Variants in SH3RF3 observed in about 807,000 individuals in gnomAD.
SH3RF3 encodes E3 ubiquitin-protein ligase SH3RF3.
A neutral mutation model predicts 66.3 loss-of-function variants in SH3RF3; 29 were observed. The ratio of observed to expected loss-of-function variants is 0.44; its 90% confidence interval spans 0.33 to 0.60. The LOEUF (loss-of-function observed/expected upper bound fraction) is 0.60, where lower values mean the gene tolerates loss of function less well. SH3RF3 is among the 20% of genes least tolerant of loss of function. The probability of loss-of-function intolerance (pLI) is 0.04; values close to 1 mark genes in which losing one functional copy is unlikely to be tolerated. For missense variants in SH3RF3, 1,194 were observed against 1,190.9 expected, an observed-to-expected ratio of 1.00 and a Z score of -0.04; for synonymous variants, 583 against 532.0, an observed-to-expected ratio of 1.10 and a Z score of -1.32.
chr2:109,215,386 C>T (rs934195442), intron 1 of SH3RF3, among the ~76,000 whole-genome samples: 2 of 152,092 alleles, frequency 1.3e-5, no homozygotes, highest in South Asian at 2.1e-4. Flanking sequence ...GGAGAAGGTA[C>T]GTTGATAAAG....
intron 1 of SH3RF3, among the ~76,000 whole-genome samples, chr2:109,279,545 C>G (rs941550009): frequency 1.3e-5 from 2 of 152,142 alleles, no homozygotes; most frequent in African/African-American, 4.8e-5. Context: ...TCCTACAGGT[C>G]AGGGCTGGAA....
chr2:109,439,155 C>T (rs949443898), intron 7 of SH3RF3, among the ~76,000 whole-genome samples: 1 of 152,214 alleles, frequency 6.6e-6, no homozygotes, highest in Admixed American at 6.5e-5. Context: ...ATTGGCAAGG[C>T]TGTGGGGCAG....
At chr2:109,367,104 C>G (rs1027773059) in intron 2 of SH3RF3, among the ~76,000 whole-genome samples, 1 of 149,660 alleles carries the variant, frequency 6.7e-6, no homozygotes, top group Non-Finnish European at 1.5e-5. Context: ...AGGCATATGC[C>G]ACTGTGCCCT....
At chr2:109,476,242 C>G (rs997912153) in intron 8 of SH3RF3, among the ~76,000 whole-genome samples, 2 of 152,230 alleles carry the variant, frequency 1.3e-5, no homozygotes, top group Non-Finnish European at 2.9e-5. Flanking sequence ...CTAGCACCCA[C>G]AGCACAAAGT....
chr2:109,353,935 C>T (rs558824571), intron 2 of SH3RF3, among the ~76,000 whole-genome samples: 9 of 152,214 alleles, frequency 5.9e-5, no homozygotes, highest in Admixed American at 2.0e-4. Flanking sequence ...TACGTGAACA[C>T]GATGGGAACA....
At chr2:109,483,795 C>T (rs933530459) in intron 8 of SH3RF3, among the ~76,000 whole-genome samples, 6 of 152,148 alleles carry the variant, frequency 3.9e-5, no homozygotes, top group South Asian at 2.1e-4. Context: ...AGGCTGCAGG[C>T]GCTGGGGTTG....
chr2:109,245,758 A>G (rs570551452), intron 1 of SH3RF3, among the ~76,000 whole-genome samples: 5 of 152,342 alleles, frequency 3.3e-5, no homozygotes, highest in South Asian at 2.1e-4. Context: ...CATTTTTGCT[A>G]TAATTCCTGG....
chr2:109,432,253 G>A (rs1385219137), intron 5 of SH3RF3, among the ~76,000 whole-genome samples: 2 of 152,178 alleles, frequency 1.3e-5, no homozygotes, highest in Non-Finnish European at 2.9e-5. Flanking sequence ...ATCCTCCTAA[G>A]GCTGTGGGTG....
intron 1 of SH3RF3, among the ~76,000 whole-genome samples, chr2:109,235,715 G>A (rs1339106984): frequency 5.3e-5 from 8 of 152,240 alleles, no homozygotes; most frequent in Non-Finnish European, 1.0e-4. Flanking sequence ...TGCAGTCGAG[G>A]CATCCCTGTG....
chr2:109,492,666 G>A (rs536391341), intron 9 of SH3RF3, among the ~76,000 whole-genome samples: 9 of 152,244 alleles, frequency 5.9e-5, no homozygotes, highest in African/African-American at 1.9e-4. Context: ...CTAGGTAACT[G>A]GCCCAAGATC....
At chr2:109,300,174 T>TA (rs1227306243) in intron 1 of SH3RF3, among the ~76,000 whole-genome samples, 2 of 152,158 alleles carry the variant, frequency 1.3e-5, no homozygotes, top group Admixed American at 1.3e-4. Context: ...GGCCCTGAGA[T>TA]ATGCTCTCGA....
Position 109,391,177 on chromosome 2 carries a change from G to A in SH3RF3, c.946-7413G>A, listed in dbSNP as rs544215759. Among the ~76,000 whole-genome samples the A allele has an allele frequency of 4.6e-4, 70 of 152,322 alleles. 1 individual carries two copies. The highest frequency in any genetic ancestry group is 7.9e-4 in the Non-Finnish European group (54 of 68,030). ...AGCCTTGCCTGTACTCAGGCTTTAC[G>A]TGCAAAATTAGGCAGCCATTTGTGC... On this transcript the variant is annotated intron_variant, in intron 3 of 9. Coordinates refer to ENST00000309415, the MANE Select transcript of SH3RF3 (RefSeq NM_001099289.3).
intron 1 of SH3RF3, among the ~76,000 whole-genome samples, chr2:109,179,738 C>A (rs977800737): frequency 6.6e-6 from 1 of 152,162 alleles, no homozygotes; most frequent in Non-Finnish European, 1.5e-5. Flanking sequence ...ATCCTAATTA[C>A]CTCCAAAGAC....
At chr2:109,479,114 C>T (rs994715398) in intron 8 of SH3RF3, among the ~76,000 whole-genome samples, 4 of 152,172 alleles carry the variant, frequency 2.6e-5, no homozygotes, top group East Asian at 3.8e-4. Flanking sequence ...CACTTCTCAA[C>T]GTGGACAGCA....
At chr2:109,350,831 T>C (rs1169192518) in intron 2 of SH3RF3, among the ~76,000 whole-genome samples, 5 of 152,322 alleles carry the variant, frequency 3.3e-5, no homozygotes, top group Non-Finnish European at 5.9e-5. Flanking sequence ...CTGGGGAATG[T>C]TTTTATTCTT....
Position 109,427,082 on chromosome 2 carries a change from C to G in SH3RF3, c.1404-5419C>G, listed in dbSNP as rs534425460. On this transcript the variant is annotated intron_variant, in intron 5 of 9. Coordinates refer to ENST00000309415, the MANE Select transcript of SH3RF3 (RefSeq NM_001099289.3). ...CTCCTGGGTTCAAGCGATTCTCTGGCCCTAGCCTCCCTAGTAGCTGGGGTT... is the reference window on the plus strand; with the variant it reads ...CTCCTGGGTTCAAGCGATTCTCTGGGCCTAGCCTCCCTAGTAGCTGGGGTT... 9.2e-5 allele frequency among the ~76,000 whole-genome samples: 14 copies of G among 152,188 alleles called. No individual in the cohort carries two copies. The South Asian group carries it at 2.9e-3, about 32-fold the overall frequency.
chr2:109,456,646 A>T (rs1471664265), intron 8 of SH3RF3, among the ~76,000 whole-genome samples: 1 of 152,008 alleles, frequency 6.6e-6, no homozygotes, highest in Non-Finnish European at 1.5e-5. Context: ...TCCTGTAGAA[A>T]CTCCGTGGCC....
At chr2:109,315,711 G>T (rs779294144) in intron 1 of SH3RF3, among the ~76,000 whole-genome samples, 1 of 152,218 alleles carries the variant, frequency 6.6e-6, no homozygotes, top group Non-Finnish European at 1.5e-5. Context: ...CCCACCCAGG[G>T]TTCCTCTGGG....
At chr2:109,490,583 T>C in intron 8 of SH3RF3, 22 bp from the exon 9 acceptor site, 1 of 1,410,696 alleles carries the variant, frequency 7.1e-7, no homozygotes, top group Non-Finnish European at 9.3e-7. Flanking sequence ...CTGTTTGGTT[T>C]CCATCTTGTG....
Sources: allele counts gnomAD v4.1 joint callset (sites outside exome capture counted in the v4.1 genomes callset), GRCh38; gene constraint gnomAD v4.1.1; transcripts MANE v1.5; gene names NCBI Gene and HGNC (gene_info 2026-07-23, HGNC 2026-07-21).